CDK14: variants seen among roughly 807,000 people sequenced by gnomAD.
CDK14 encodes cyclin dependent kinase 14, also known as cyclin-dependent kinase 14.
Under a neutral mutation model 60.7 loss-of-function variants are expected in CDK14, and 34 were observed. The observed-to-expected ratio is 0.56, with a 90% confidence interval of 0.43 to 0.75. CDK14 has a LOEUF of 0.75. Ranked by LOEUF, CDK14 falls within the 30% of genes least tolerant of loss-of-function variation. CDK14 has a pLI of 0.00. For missense variants in CDK14, 482 were observed against 564.1 expected (o/e 0.85, Z 1.47); for synonymous variants, 197 against 203.7 (o/e 0.97, Z 0.28).
intron 7 of CDK14, among the ~76,000 whole-genome samples, chr7:90,899,828 T>G (rs1006556438): frequency 7.9e-5 from 12 of 152,170 alleles, no homozygotes; most frequent in Non-Finnish European, 1.8e-4. Context: ...AGTAGAAATA[T>G]TACTACCGAG....
chr7:90,913,684 G>A (rs1354310155), intron 7 of CDK14, among the ~76,000 whole-genome samples: 1 of 152,162 alleles, frequency 6.6e-6, no homozygotes, highest in African/African-American at 2.4e-5. Flanking sequence ...AGCAGAGAGT[G>A]GTTTGTGACA....
intron 6 of CDK14, among the ~76,000 whole-genome samples, chr7:90,886,182 C>A (rs1438769272): frequency 6.6e-6 from 1 of 152,074 alleles, no homozygotes; most frequent in Admixed American, 6.5e-5. Context: ...ACTGAGTTGG[C>A]TTGCTTAACA....
At chr7:90,605,136 T>G (rs1799391290) in intron 2 of CDK14, among the ~76,000 whole-genome samples, 1 of 152,236 alleles carries the variant, frequency 6.6e-6, no homozygotes, top group South Asian at 2.1e-4. Context: ...CTGTCTTCCC[T>G]CTGCTGCAGT....
chr7:91,088,608 G>A (rs999805000), intron 12 of CDK14, among the ~76,000 whole-genome samples: 1 of 150,182 alleles, frequency 6.7e-6, no homozygotes, highest in Non-Finnish European at 1.5e-5. Flanking sequence ...TTATTACTCA[G>A]ACTATAAATG....
In CDK14 at chr7:91,056,924, A is replaced by C. The variant is rs1282766082; in HGVS notation, c.1105+10964A>C. On this transcript the variant is annotated intron_variant, in intron 11 of 14. Transcript: ENST00000380050. The stretch of plus-strand genomic sequence containing the variant: ...TTTATAGTCCTTTGGGTATATACCC[A>C]GTAATGGGATGGCTGGGTCAAATGG... Among the ~76,000 whole-genome samples the C allele has an allele frequency of 4.6e-5, 7 of 152,140 alleles. No homozygotes were observed. In the East Asian group the frequency reaches 1.3e-3, roughly 29 times the overall value.
At chr7:91,070,021 T>C (rs1347377427) in intron 11 of CDK14, among the ~76,000 whole-genome samples, 2 of 152,136 alleles carry the variant, frequency 1.3e-5, no homozygotes, top group Non-Finnish European at 2.9e-5. Flanking sequence ...GGTTGCAAAC[T>C]CCAAGGCCCA....
At chr7:90,770,496 T>TA (rs1045601326) in intron 4 of CDK14, among the ~76,000 whole-genome samples, 2 of 152,226 alleles carry the variant, frequency 1.3e-5, no homozygotes, top group African/African-American at 4.8e-5. Context: ...CACTGGTTCT[T>TA]AATTATCTTC....
At chr7:90,969,410 G>C (rs1010166331) in intron 9 of CDK14, among the ~76,000 whole-genome samples, 2 of 152,140 alleles carry the variant, frequency 1.3e-5, no homozygotes, top group Non-Finnish European at 2.9e-5. Context: ...TTCTCTTCAC[G>C]ATATGCCACA....
At chr7:90,696,486 A>G (rs1297330830) in intron 2 of CDK14, among the ~76,000 whole-genome samples, 1 of 151,812 alleles carries the variant, frequency 6.6e-6, no homozygotes, top group Admixed American at 6.6e-5. Context: ...GATTACAGGC[A>G]TGCACCACCA....
intron 11 of CDK14, among the ~76,000 whole-genome samples, chr7:91,072,950 A>C (rs962753285): frequency 1.3e-5 from 2 of 152,070 alleles, no homozygotes; most frequent in Admixed American, 6.6e-5. Context: ...GAAATAAGGC[A>C]GCCACACAAG....
intron 9 of CDK14, among the ~76,000 whole-genome samples, chr7:90,959,451 T>C (rs528271252): frequency 3.3e-5 from 5 of 152,298 alleles, no homozygotes; most frequent in African/African-American, 1.2e-4. Context: ...ATGACATTGA[T>C]GCTGGGTATT....
chr7:90,935,299 T>A (rs1324172610), intron 8 of CDK14, among the ~76,000 whole-genome samples: 1 of 152,202 alleles, frequency 6.6e-6, no homozygotes, highest in East Asian at 1.9e-4. Flanking sequence ...AATTTCAACA[T>A]GAATTTGAGA....
chr7:90,640,198 C>G (rs1800287595), intron 2 of CDK14, among the ~76,000 whole-genome samples: 1 of 152,108 alleles, frequency 6.6e-6, no homozygotes, highest in African/African-American at 2.4e-5. Flanking sequence ...GCAGAAATCA[C>G]CCGTCTTCTG....
chr7:91,133,857 A>G lies in CDK14; in HGVS notation c.*28+15649A>G, dbSNP rs919512692. Among the ~76,000 whole-genome samples the G allele has an allele frequency of 2.6e-5, 4 of 152,272 alleles. No individual in the cohort carries two copies. The East Asian group carries it at 5.8e-4, about 22-fold the overall frequency. The stretch of plus-strand genomic sequence containing the variant: ...CTGTAGATCTATGTTGAAGAGTCAG[A>G]TACTACGCAAGCTAAGCTCATTTTA... On this transcript the variant is annotated intron_variant, in intron 14 of 14. Coordinates refer to ENST00000380050, the MANE Select transcript of CDK14 (RefSeq NM_001287135.2).
intron 8 of CDK14, among the ~76,000 whole-genome samples, chr7:90,930,827 C>G (rs1793570292): frequency 6.6e-6 from 1 of 152,096 alleles, no homozygotes; most frequent in African/African-American, 2.4e-5. Context: ...TCATTACCCC[C>G]TCTTTAATGT....
chr7:90,934,141 C>T (rs749010743), intron 8 of CDK14, among the ~76,000 whole-genome samples: 8 of 152,234 alleles, frequency 5.3e-5, no homozygotes, highest in Non-Finnish European at 7.3e-5. Flanking sequence ...CCCAGGAGGC[C>T]TTGGGGCGTG....
intron 12 of CDK14, among the ~76,000 whole-genome samples, chr7:91,091,368 A>G (rs990496551): frequency 2.1e-5 from 3 of 144,812 alleles, no homozygotes; most frequent in Non-Finnish European, 4.5e-5. Flanking sequence ...ATATATACAT[A>G]TATACATATA....
At chr7:91,195,273 G>A (rs1002731231) in intron 14 of CDK14, among the ~76,000 whole-genome samples, 19 of 152,070 alleles carry the variant, frequency 1.2e-4, no homozygotes, top group East Asian at 3.9e-4. Flanking sequence ...ATAGTATTTC[G>A]GAACTCCCAA....
intron 4 of CDK14, among the ~76,000 whole-genome samples, chr7:90,753,529 C>T (rs561787938): frequency 1.3e-5 from 2 of 152,144 alleles, no homozygotes; most frequent in African/African-American, 4.8e-5. Context: ...CAGCTAACAT[C>T]ATACTGAACT....
Sources: allele counts gnomAD v4.1 joint callset (sites outside exome capture counted in the v4.1 genomes callset), GRCh38; gene constraint gnomAD v4.1.1; transcripts MANE v1.5; gene names NCBI Gene and HGNC (gene_info 2026-07-23, HGNC 2026-07-21).